Variants in SLC9A9 observed in about 807,000 individuals in gnomAD.
The protein encoded by SLC9A9 is sodium/hydrogen exchanger 9.
Under a neutral mutation model 77.8 loss-of-function variants are expected in SLC9A9, and 62 were observed. The observed-to-expected ratio is 0.80, with a 90% CI of 0.65 to 0.98. The LOEUF (loss-of-function observed/expected upper bound fraction) is 0.98. Among genes scored for constraint, SLC9A9 ranks in the 50% least tolerant of loss-of-function variants. The pLI, the probability that SLC9A9 is intolerant of heterozygous loss-of-function variation, is 0.00. For synonymous variants in SLC9A9, 320 were observed against 283.5 expected, an observed-to-expected ratio of 1.13 and a Z score of -1.29; for missense variants, 775 against 774.9, an observed-to-expected ratio of 1.00 and a Z score of 0.00.
At chr3:143,671,969 G>C (rs2039161533) in intron 5 of SLC9A9, among the ~76,000 whole-genome samples, 1 of 152,178 alleles carries the variant, frequency 6.6e-6, no homozygotes, top group African/African-American at 2.4e-5. Context: ...CCAAATATTA[G>C]ATGCTAAAAG....
chr3:143,379,168 G>T (rs567876550), intron 13 of SLC9A9, among the ~76,000 whole-genome samples: 1 of 152,104 alleles, frequency 6.6e-6, no homozygotes. Context: ...CCATTACAAA[G>T]ATTAACCTAT....
intron 6 of SLC9A9, chr3:143,626,876 CT>C (rs61283423): frequency 0.024 from 3,510 of 144,920 alleles, 117 homozygotes; most frequent in African/African-American, 0.079. Flanking sequence ...GCACTAGCTC[CT>C]TTTTTTTTTT....
At chr3:143,839,190 A>G (rs1213652751) in intron 1 of SLC9A9, among the ~76,000 whole-genome samples, 1 of 152,188 alleles carries the variant, frequency 6.6e-6, no homozygotes, top group Admixed American at 6.5e-5. Context: ...TAAGGAAACT[A>G]TAGGTCTTGC....
intron 6 of SLC9A9, among the ~76,000 whole-genome samples, chr3:143,628,373 T>C (rs2038366008): frequency 6.6e-6 from 1 of 152,186 alleles, no homozygotes; most frequent in Non-Finnish European, 1.5e-5. Flanking sequence ...TACATTCTCC[T>C]ACACTTGGGC....
At chr3:143,272,258 C>A (rs1156533896) in intron 14 of SLC9A9, among the ~76,000 whole-genome samples, 2 of 152,186 alleles carry the variant, frequency 1.3e-5, no homozygotes, top group Non-Finnish European at 2.9e-5. Context: ...GGAACAGAGA[C>A]AAGGCACCCA....
At chr3:143,762,637 A>T (rs953424538) in intron 4 of SLC9A9, among the ~76,000 whole-genome samples, 3 of 152,172 alleles carry the variant, frequency 2.0e-5, no homozygotes, top group African/African-American at 7.2e-5. Flanking sequence ...TATTTTCTCA[A>T]GTTTATCTGA....
At chr3:143,394,421 C>T (rs535999922) in intron 12 of SLC9A9, among the ~76,000 whole-genome samples, 1 of 152,296 alleles carries the variant, frequency 6.6e-6, no homozygotes, top group Admixed American at 6.5e-5. Context: ...GCTAAAAACT[C>T]TCAATAAATT....
intron 5 of SLC9A9, among the ~76,000 whole-genome samples, chr3:143,664,135 G>A (rs928827536): frequency 6.6e-6 from 1 of 152,182 alleles, no homozygotes; most frequent in African/African-American, 2.4e-5. Flanking sequence ...GGATCTCTCT[G>A]CAGAAACTCT....
intron 2 of SLC9A9, among the ~76,000 whole-genome samples, chr3:143,818,944 A>G (rs35961568): frequency 6.6e-6 from 1 of 151,766 alleles, no homozygotes; most frequent in Non-Finnish European, 1.5e-5. Context: ...TTAGCTGGGC[A>G]TGGTTGTGCA....
intron 6 of SLC9A9, among the ~76,000 whole-genome samples, chr3:143,630,471 G>C (rs866037550): frequency 2.0e-5 from 3 of 152,188 alleles, no homozygotes; most frequent in Non-Finnish European, 4.4e-5. Flanking sequence ...AGTGATTCTT[G>C]TGGATAGGAG....
chr3:143,417,749 T>C (rs1358670550), intron 12 of SLC9A9, among the ~76,000 whole-genome samples: 3 of 151,948 alleles, frequency 2.0e-5, no homozygotes, highest in African/African-American at 4.8e-5. Context: ...AAGTAATAAG[T>C]GTCTGTTGTT....
At chr3:143,665,879 C>G (rs2039057097) in intron 5 of SLC9A9, among the ~76,000 whole-genome samples, 1 of 152,160 alleles carries the variant, frequency 6.6e-6, no homozygotes, top group South Asian at 2.1e-4. Flanking sequence ...CAGATGGATT[C>G]ACAGACGAAT....
intron 9 of SLC9A9, among the ~76,000 whole-genome samples, chr3:143,502,029 C>T (rs1308443443): frequency 6.6e-6 from 1 of 150,834 alleles, no homozygotes; most frequent in Non-Finnish European, 1.5e-5. Flanking sequence ...CACCCCAAAG[C>T]CAATAATAAT....
intron 13 of SLC9A9, among the ~76,000 whole-genome samples, chr3:143,368,936 A>G (rs2032980031): frequency 6.6e-6 from 1 of 152,256 alleles, no homozygotes; most frequent in Non-Finnish European, 1.5e-5. Context: ...GCCTCTGCAT[A>G]GAAAGCAGTT....
intron 9 of SLC9A9, among the ~76,000 whole-genome samples, chr3:143,498,054 G>C (rs2035866410): frequency 6.6e-6 from 1 of 151,974 alleles, no homozygotes. Flanking sequence ...TTAGTGATTT[G>C]CTTCCTTTGA....
chr3:143,333,014 A>G (rs1051837084), intron 14 of SLC9A9, among the ~76,000 whole-genome samples: 1 of 152,242 alleles, frequency 6.6e-6, no homozygotes, highest in African/African-American at 2.4e-5. Context: ...GCCAACTACA[A>G]CTGCCAATAC....
At chr3:143,711,690 G>A (rs570162346) in intron 4 of SLC9A9, among the ~76,000 whole-genome samples, 1 of 151,460 alleles carries the variant, frequency 6.6e-6, no homozygotes, top group South Asian at 2.1e-4. Context: ...CTCCCAAAGT[G>A]CTGGGATTAT....
chr3:143,290,486 C>T (rs1468080365), intron 14 of SLC9A9, among the ~76,000 whole-genome samples: 4 of 152,232 alleles, frequency 2.6e-5, no homozygotes, highest in East Asian at 3.9e-4. Flanking sequence ...TGGGAAGCTA[C>T]GTGTCTGTAA....
At chr3:143,695,113 G>A (rs1282062234) in intron 4 of SLC9A9, among the ~76,000 whole-genome samples, 2 of 152,070 alleles carry the variant, frequency 1.3e-5, no homozygotes, top group African/African-American at 2.4e-5. Context: ...CGGTTACCAG[G>A]TGCACAGTCT....
Sources: gnomAD v4.1 joint callset for allele counts (sites outside exome capture counted in the v4.1 genomes callset) on GRCh38, gnomAD v4.1.1 for gene constraint, MANE v1.5 for transcripts, NCBI Gene and HGNC (gene_info 2026-07-23, HGNC 2026-07-21) for gene names.